CCBE1: variants seen among roughly 807,000 people sequenced by gnomAD.
The protein encoded by CCBE1 is collagen and calcium-binding EGF domain-containing protein 1.
A neutral mutation model predicts 50.0 loss-of-function variants in CCBE1; 37 were observed. That is an observed-to-expected ratio of 0.74 (90% CI 0.57 to 0.97). CCBE1 has a LOEUF of 0.97. CCBE1 is among the 50% of genes least tolerant of loss of function. CCBE1 has a pLI of 0.00. For synonymous variants in CCBE1, 234 were observed against 203.7 expected (o/e 1.15, Z -1.27); for missense variants, 538 against 523.8 (o/e 1.03, Z -0.26).
In CCBE1 at chr18:59,697,314, C is replaced by A. The variant is rs1420344970; in HGVS notation, c.29G>T (p.Gly10Val). Residue 10 changes from glycine to valine, a missense_variant, in exon 1 of 11, where the codon GGA becomes GTA. Physicochemically the swap from Gly to Val is moderately radical, Grantham distance 109. Transcript: ENST00000439986. ...CCTGCCCAGCTGGCCCCTGGCAGCT[C>A]CTCCCCGGCTCGGAGGCGGCGGCAC... Reference protein sequence around the residue: MVPPPPSRGGAARGQLGRSL... With the variant: MVPPPPSRGVAARGQLGRSL... The A allele has an allele frequency of 3.4e-5, 52 of 1,548,764 alleles. No homozygotes were observed. Among genetic ancestry groups the A allele is most frequent in the Non-Finnish European group, 4.5e-5 (52 of 1,146,902 alleles).
chr18:59,672,103 T>C (rs905065877), intron 2 of CCBE1, among the ~76,000 whole-genome samples: 5 of 152,102 alleles, frequency 3.3e-5, no homozygotes, highest in African/African-American at 1.2e-4. Context: ...CTCTAAACTA[T>C]TATGAAAAGG....
intron 6 of CCBE1, among the ~76,000 whole-genome samples, chr18:59,454,210 A>T (rs1911071410): frequency 6.6e-6 from 1 of 152,150 alleles, no homozygotes; most frequent in Non-Finnish European, 1.5e-5. Flanking sequence ...AGGCACATAG[A>T]TTATTTCCAT....
At position 59,610,416 on chromosome 18, in the gene CCBE1, C is replaced by A. The variant is rs147381384; in HGVS notation, c.212+86213G>T. Among the ~76,000 whole-genome samples, 587 of 151,650 alleles carry A rather than the reference C, an allele frequency of 3.9e-3. 12 individuals carry two copies. The highest frequency in any genetic ancestry group is 0.037 in the East Asian group (189 of 5,146). ...CTCTATGGCCCCTTACCCCTCCTGC[C>A]CCCCAAATACCCCAATAAAGTAACA... On this transcript the variant is annotated intron_variant, in intron 2 of 10. Coordinates refer to ENST00000439986, the MANE Select transcript of CCBE1 (RefSeq NM_133459.4).
At chr18:59,603,692 G>GA (rs2053461063) in intron 2 of CCBE1, among the ~76,000 whole-genome samples, 1 of 152,124 alleles carries the variant, frequency 6.6e-6, no homozygotes. Context: ...TCCCACCCCA[G>GA]AAAACCTTCC....
intron 2 of CCBE1, among the ~76,000 whole-genome samples, chr18:59,551,028 AAG>A (rs1915906929): frequency 1.1e-4 from 13 of 123,224 alleles, no homozygotes; most frequent in African/African-American, 3.6e-4. Flanking sequence ...AAAAAAAAAA[AAG>A]AAAAGAAAAG....
chr18:59,604,171 AAG>A (rs1415553334), intron 2 of CCBE1, among the ~76,000 whole-genome samples: 2 of 152,232 alleles, frequency 1.3e-5, no homozygotes, highest in African/African-American at 2.4e-5. Context: ...TTCACCCCAT[AAG>A]AGCTTCGCTG....
At chr18:59,639,977 A>G (rs1286012910) in intron 2 of CCBE1, among the ~76,000 whole-genome samples, 1 of 152,166 alleles carries the variant, frequency 6.6e-6, no homozygotes, top group East Asian at 1.9e-4. Context: ...CAAAACACCA[A>G]AGAAATCAAA....
chr18:59,644,003 A>G (rs2054023595), intron 2 of CCBE1, among the ~76,000 whole-genome samples: 1 of 152,168 alleles, frequency 6.6e-6, no homozygotes, highest in Non-Finnish European at 1.5e-5. Context: ...TTAGCAGTCT[A>G]TGGCACTGGT....
At chr18:59,574,509 G>A (rs930767769) in intron 2 of CCBE1, among the ~76,000 whole-genome samples, 3 of 152,120 alleles carry the variant, frequency 2.0e-5, no homozygotes, top group Admixed American at 6.6e-5. Context: ...TCAAAACCAC[G>A]AGCTGATTTC....
At chr18:59,658,321 TAAAAAAA>T (rs1157998930) in intron 2 of CCBE1, among the ~76,000 whole-genome samples, 272 of 6,420 alleles carry the variant, frequency 0.042, 28 homozygotes, top group Admixed American at 0.051. Context: ...ACCCTGTCTC[TAAAAAAA>T]AAAAAAAAAA....
chr18:59,433,301 T>C lies in CCBE1; in HGVS notation c.*2607A>G, dbSNP rs1452988225. 2.6e-5 allele frequency: 4 copies of C among 151,910 alleles called. No individual in the cohort carries two copies. The highest frequency in any genetic ancestry group is 5.9e-5 in the Non-Finnish European group (4 of 68,008). 9.4% of individuals were successfully genotyped at this position (151,910 alleles called of 1,614,324 possible). A position where few individuals can be genotyped will look rare whatever the true frequency, so the allele number is the denominator to read the frequency against. Reference sequence around the variant, plus strand: ...TTTTTTTAGGGATGGGGTCTTGCTATGTTGCCCAGACTGGCCTTGAACTCC... The same window carrying C: ...TTTTTTTAGGGATGGGGTCTTGCTACGTTGCCCAGACTGGCCTTGAACTCC... On this transcript the variant is annotated 3_prime_UTR_variant, in exon 11 of 11. Coordinates refer to ENST00000439986, the MANE Select transcript of CCBE1 (RefSeq NM_133459.4).
At chr18:59,693,719 G>A (rs77425867) in intron 2 of CCBE1, among the ~76,000 whole-genome samples, 5,578 of 152,064 alleles carry the variant, frequency 0.037, 189 homozygotes, top group African/African-American at 0.089. Flanking sequence ...ACATTTTCTA[G>A]GACTTTTCTG....
At chr18:59,633,164 T>C (rs1385203434) in intron 2 of CCBE1, among the ~76,000 whole-genome samples, 2 of 152,218 alleles carry the variant, frequency 1.3e-5, no homozygotes, top group Non-Finnish European at 1.5e-5. Flanking sequence ...GTGATGAATG[T>C]AAAAAGCAAG....
intron 2 of CCBE1, among the ~76,000 whole-genome samples, chr18:59,689,432 C>T (rs79323563): frequency 0.015 from 2,236 of 152,318 alleles, 60 homozygotes; most frequent in African/African-American, 0.051. Flanking sequence ...TTCATCCAAG[C>T]TTTCACATTG....
At chr18:59,632,072 C>A (rs1034208351) in intron 2 of CCBE1, among the ~76,000 whole-genome samples, 1 of 152,122 alleles carries the variant, frequency 6.6e-6, no homozygotes, top group Admixed American at 6.5e-5. Flanking sequence ...AACAAGAGAA[C>A]AAATAACTAA....
At chr18:59,546,868 A>T (rs893050262) in intron 2 of CCBE1, among the ~76,000 whole-genome samples, 1 of 152,030 alleles carries the variant, frequency 6.6e-6, no homozygotes, top group Admixed American at 6.6e-5. Context: ...AATCTCATCC[A>T]ATCTGTGGAG....
At chr18:59,445,585 G>C (rs1188473412) in intron 7 of CCBE1, among the ~76,000 whole-genome samples, 1 of 152,154 alleles carries the variant, frequency 6.6e-6, no homozygotes, top group Non-Finnish European at 1.5e-5. Flanking sequence ...ATTTAGATAA[G>C]TCTTTTTTAG....
chr18:59,496,936 T>C (rs1913383274), intron 2 of CCBE1, among the ~76,000 whole-genome samples: 1 of 152,254 alleles, frequency 6.6e-6, no homozygotes, highest in Non-Finnish European at 1.5e-5. Flanking sequence ...GTTTAGGGCT[T>C]GATTCTACCA....
intron 2 of CCBE1, among the ~76,000 whole-genome samples, chr18:59,596,728 T>G (rs1180993867): frequency 6.6e-6 from 1 of 152,218 alleles, no homozygotes; most frequent in Non-Finnish European, 1.5e-5. Context: ...TCCATTTCCA[T>G]CACGTAGCAA....
Sources: allele counts gnomAD v4.1 joint callset (sites outside exome capture counted in the v4.1 genomes callset), GRCh38; gene constraint gnomAD v4.1.1; transcripts MANE v1.5; gene names NCBI Gene and HGNC (gene_info 2026-07-23, HGNC 2026-07-21).